The following SEC14L6 variants were observed in gnomAD, a reference collection of about 807,000 sequenced individuals.
SEC14L6 encodes the protein SEC14-like protein 6.
Under a neutral mutation model 54.1 loss-of-function variants are expected in SEC14L6, and 40 were observed. That is an observed-to-expected ratio of 0.74 (90% CI 0.57 to 0.96). The LOEUF is 0.96. SEC14L6 is among the 40% of genes least tolerant of loss of function. SEC14L6 has a pLI of 0.00. For synonymous variants in SEC14L6, 171 were observed against 198.4 expected (o/e 0.86, Z 1.16); for missense variants, 471 against 498.3 (o/e 0.95, Z 0.52).
At chr22:30,529,914 CTTTTTA>C (rs775528502) in intron 6 of SEC14L6, among the ~76,000 whole-genome samples, 9 of 152,132 alleles carry the variant, frequency 5.9e-5, no homozygotes, top group Non-Finnish European at 8.8e-5. Context: ...CAAGGAATGG[CTTTTTA>C]TTTTTATTTA....
At chr22:30,546,383 CAAAAAAAAA>C (rs915640201) in intron 1 of SEC14L6, among the ~76,000 whole-genome samples, 1 of 49,864 alleles carries the variant, frequency 2.0e-5, no homozygotes, top group African/African-American at 7.5e-5. Flanking sequence ...AACTCCGTCT[CAAAAAAAAA>C]AAAAAAAAAA....
chr22:30,542,529 C>T (rs931586511), intron 1 of SEC14L6: 127 of 1,084,554 alleles, frequency 1.2e-4, no homozygotes, highest in Non-Finnish European at 1.5e-4. Flanking sequence ...CCCGGCGGCG[C>T]TTCTAGTGCC....
chr22:30,543,125 A>G (rs1404731893), intron 1 of SEC14L6: 1 of 1,603,558 alleles, frequency 6.2e-7, no homozygotes, highest in Non-Finnish European at 8.5e-7. Context: ...AAATGGTTCA[A>G]AAATGGGAAT....
intron 8 of SEC14L6, among the ~76,000 whole-genome samples, chr22:30,527,528 G>A (rs1461206548): frequency 5.9e-5 from 9 of 151,904 alleles, no homozygotes; most frequent in East Asian, 1.9e-4. Context: ...TCTGCAATCT[G>A]TGTGAGCGCT....
chr22:30,526,258 G>A (rs1351169608), intron 8 of SEC14L6, among the ~76,000 whole-genome samples: 1 of 152,196 alleles, frequency 6.6e-6, no homozygotes, highest in Non-Finnish European at 1.5e-5. Flanking sequence ...AACTCCTGGA[G>A]CCTGGGGTTG....
chr22:30,542,875 A>G (rs1192368697), intron 1 of SEC14L6: 51 of 1,599,866 alleles, frequency 3.2e-5, no homozygotes, highest in Middle Eastern at 3.9e-4. Context: ...GAGAACCAAC[A>G]TGGACTTTTC....
chr22:30,538,814 G>A lies in SEC14L6; in HGVS notation c.130+13C>T, dbSNP rs764398486. 5.2e-6 allele frequency: 8 copies of A among 1,543,504 alleles called. No individual in the cohort carries two copies. The highest frequency in any genetic ancestry group is 3.9e-5 in the Admixed American group (2 of 51,136). ...GCCATTGACCCTACCCCAGCCCCACGCTCTATCCTTACCTTGGAGCCAGCG... is the reference window on the plus strand; with the variant it reads ...GCCATTGACCCTACCCCAGCCCCACACTCTATCCTTACCTTGGAGCCAGCG... On this transcript the variant is annotated intron_variant, in intron 2 of 11. Transcript: ENST00000402034.
chr22:30,539,372 T>A (rs2085657161), intron 1 of SEC14L6, among the ~76,000 whole-genome samples: 3 of 152,014 alleles, frequency 2.0e-5, no homozygotes, highest in Non-Finnish European at 4.4e-5. Context: ...AGTGAGACTT[T>A]GTCTCAAAAA....
rs1354603124 is a variant in SEC14L6, at chr22:30,525,421, AG to A, written c.1009del (p.Leu337CysfsTer27). 1 of 1,614,198 alleles carries A rather than the reference AG, an allele frequency of 6.2e-7. No individual in the cohort carries two copies. Among genetic ancestry groups the A allele is most frequent in the Admixed American group, 1.7e-5 (1 of 60,028 alleles). On this transcript the variant is annotated frameshift_variant, in exon 11 of 12. Coordinates refer to ENST00000402034, the MANE Select transcript of SEC14L6 (RefSeq NM_001193336.4). LOFTEE classifies it high-confidence loss of function. The part of the protein sequence containing the change: ...RQRAREMTEV[L>X]PSQRYNAHMV... ...GTGGGCATTGTAGCGCTGGCTGGGCAGCACCTCTGTCATCTCCCTAGCCCTC... is the reference window on the plus strand; with the variant it reads ...GTGGGCATTGTAGCGCTGGCTGGGCACACCTCTGTCATCTCCCTAGCCCTC...
At chr22:30,535,603 G>A (rs73394252) in intron 2 of SEC14L6, among the ~76,000 whole-genome samples, 2,714 of 152,320 alleles carry the variant, frequency 0.018, 76 homozygotes, top group African/African-American at 0.061. Flanking sequence ...AACTCCAATC[G>A]GGACTCTTTT....
At chr22:30,539,169 G>A (rs1353593754) in intron 1 of SEC14L6, among the ~76,000 whole-genome samples, 1 of 152,188 alleles carries the variant, frequency 6.6e-6, no homozygotes, top group African/African-American at 2.4e-5. Flanking sequence ...CTGAGGTCAG[G>A]AGTTTGAGAC....
At chr22:30,542,070 C>T (rs1044815840) in intron 1 of SEC14L6, among the ~76,000 whole-genome samples, 1 of 152,178 alleles carries the variant, frequency 6.6e-6, no homozygotes, top group African/African-American at 2.4e-5. Flanking sequence ...TGGGCGGGGA[C>T]GCCCGGCTCA....
chr22:30,543,707 G>A, intron 1 of SEC14L6: 1 of 1,606,952 alleles, frequency 6.2e-7, no homozygotes, highest in Non-Finnish European at 8.5e-7. Flanking sequence ...GGCGTGGTGT[G>A]CACCTTGCTG....
intron 1 of SEC14L6, among the ~76,000 whole-genome samples, chr22:30,540,575 G>T (rs755133575): frequency 6.6e-6 from 1 of 151,860 alleles, no homozygotes; most frequent in Non-Finnish European, 1.5e-5. Flanking sequence ...AATTAGCCAG[G>T]TGTGGTGGCG....
chr22:30,543,502 T>C, intron 1 of SEC14L6: 1 of 1,612,880 alleles, frequency 6.2e-7, no homozygotes, highest in Non-Finnish European at 8.5e-7. Context: ...CACCTACAAC[T>C]GGATGAGCTG....
Position 30,538,856 on chromosome 22 carries a change from T to A in SEC14L6, c.101A>T (p.Asp34Val). The A allele has an allele frequency of 6.4e-7, 1 of 1,557,990 alleles. No individual in the cohort carries two copies. The highest frequency in any genetic ancestry group is 8.7e-7 in the Non-Finnish European group (1 of 1,150,270). ...QDVLSALPNP[D>V]DYFLLRWLQA... ...GAGCCAGCGCAGGAGGAAGTAGTCA[T>A]CAGGATTGGGCAGCGCAGATAGCAC... The change falls in exon 2 of 12, where the codon GAT becomes GTT. Residue 34 changes from aspartate (D) to valine (V), a missense_variant. Asp to Val is a radical substitution (Grantham distance 152). Coordinates refer to ENST00000402034, the MANE Select transcript of SEC14L6 (RefSeq NM_001193336.4).
At chr22:30,534,180 A>G in intron 2 of SEC14L6, 141 bp from the exon 3 acceptor site, 1 of 673,398 alleles carries the variant, frequency 1.5e-6, no homozygotes, top group Non-Finnish European at 2.5e-6. Context: ...CTGGGGAGCC[A>G]CAATGGCTGA....
rs764660395 is a variant in SEC14L6, at chr22:30,540,205, CTAAG to C, written c.55-1307_55-1304del. ...ATGACACTGCCATTATACCAATTCG[CTAAG>C]TGAGGAAACTGAGGCTGGAAATGGT... On this transcript the variant is annotated intron_variant, in intron 1 of 11. Transcript: ENST00000402034. 3.2e-4 allele frequency among the ~76,000 whole-genome samples: 48 copies of C among 152,280 alleles called. 1 individual carries two copies. Among genetic ancestry groups the C allele is most frequent in the Non-Finnish European group, 5.9e-4 (40 of 68,030 alleles).
At chr22:30,537,104 A>G (rs958059784) in intron 2 of SEC14L6, among the ~76,000 whole-genome samples, 4 of 151,952 alleles carry the variant, frequency 2.6e-5, no homozygotes, top group Non-Finnish European at 4.4e-5. Flanking sequence ...TCAAAATATG[A>G]AAGTATTTCC....
Sources: allele counts gnomAD v4.1 joint callset (sites outside exome capture counted in the v4.1 genomes callset), GRCh38; gene constraint gnomAD v4.1.1; transcripts MANE v1.5; gene names NCBI Gene and HGNC (gene_info 2026-07-23, HGNC 2026-07-21).